GRK4: variants seen among roughly 807,000 people sequenced by gnomAD.
GRK4 encodes the protein G protein-coupled receptor kinase 4, also known as G protein-coupled receptor kinase 2-like.
In GRK4, 73 loss-of-function variants were observed where a neutral mutation model predicts 77.9. The observed-to-expected ratio is 0.94, with a 90% CI of 0.78 to 1.14. The LOEUF (loss-of-function observed/expected upper bound fraction) is 1.14, where lower values mean the gene tolerates loss of function less well. Among genes scored for constraint, GRK4 ranks in the 50% most tolerant of loss-of-function variants. The pLI is 0.00. For synonymous variants in GRK4, 257 were observed against 254.4 expected (o/e 1.01, Z -0.10); for missense variants, 729 against 700.2 (o/e 1.04, Z -0.46).
intron 13 of GRK4, among the ~76,000 whole-genome samples, chr4:3,037,089 G>A (rs1578424533): frequency 6.6e-6 from 1 of 151,514 alleles, no homozygotes; most frequent in African/African-American, 2.4e-5. Flanking sequence ...GTGTATGTGT[G>A]TGTGTGTGTG....
At chr4:3,012,137 C>T (rs957817410) in intron 7 of GRK4, among the ~76,000 whole-genome samples, 1 of 152,214 alleles carries the variant, frequency 6.6e-6, no homozygotes, top group African/African-American at 2.4e-5. Context: ...CTGATTTGCC[C>T]ATTCCACTTA....
At chr4:3,013,596 A>G in intron 7 of GRK4, 92 bp from the exon 8 acceptor site, 1 of 1,439,038 alleles carries the variant, frequency 6.9e-7, no homozygotes, top group East Asian at 2.3e-5. Flanking sequence ...GGTCTCTGCC[A>G]GTGAGGGTCT....
chr4:3,018,873 T>G (rs935153773), intron 8 of GRK4, among the ~76,000 whole-genome samples: 3 of 152,068 alleles, frequency 2.0e-5, no homozygotes, highest in African/African-American at 4.8e-5. Context: ...AGCAAGACTG[T>G]GTCTCAAAAA....
At chr4:2,964,775 G>T (rs1208848446) in intron 1 of GRK4, among the ~76,000 whole-genome samples, 18 of 152,070 alleles carry the variant, frequency 1.2e-4, no homozygotes, top group Non-Finnish European at 2.9e-5. Context: ...AAAAGAAAAA[G>T]CCAAGGCCCA....
At chr4:2,989,384 T>G (rs1725446410) in intron 3 of GRK4, among the ~76,000 whole-genome samples, 1 of 152,176 alleles carries the variant, frequency 6.6e-6, no homozygotes, top group Admixed American at 6.5e-5. Flanking sequence ...TGTATGAAGA[T>G]GACAAACTAA....
intron 4 of GRK4, among the ~76,000 whole-genome samples, chr4:2,993,784 TATG>T (rs1271040667): frequency 6.6e-6 from 1 of 152,234 alleles, no homozygotes; most frequent in Non-Finnish European, 1.5e-5. Flanking sequence ...TCTATTTTCA[TATG>T]ATAAGACTGA....
At chr4:2,994,353 G>C (rs1197433920) in intron 4 of GRK4, among the ~76,000 whole-genome samples, 1 of 152,206 alleles carries the variant, frequency 6.6e-6, no homozygotes. Flanking sequence ...TTGGATTACA[G>C]GTGTGCACCA....
chr4:3,031,565 C>T (rs1739188839), intron 12 of GRK4, among the ~76,000 whole-genome samples: 1 of 152,150 alleles, frequency 6.6e-6, no homozygotes, highest in Admixed American at 6.5e-5. Context: ...AGAGGACAGA[C>T]CATGGGCTCG....
At chr4:3,006,933 G>A (rs1364036952) in intron 5 of GRK4, among the ~76,000 whole-genome samples, 1 of 152,124 alleles carries the variant, frequency 6.6e-6, no homozygotes, top group African/African-American at 2.4e-5. Context: ...GCCAGGAAGG[G>A]CCAATCTTTC....
At chr4:2,976,830 G>C (rs746554964) in intron 1 of GRK4, among the ~76,000 whole-genome samples, 45 of 152,084 alleles carry the variant, frequency 3.0e-4, no homozygotes, top group Admixed American at 7.9e-4. Flanking sequence ...GTAGATACAG[G>C]GTTCCTCCAT....
At chr4:2,975,623 G>T (rs776934946) in intron 1 of GRK4, among the ~76,000 whole-genome samples, 1 of 152,054 alleles carries the variant, frequency 6.6e-6, no homozygotes, top group African/African-American at 2.4e-5. Flanking sequence ...TCCTTGAGCC[G>T]GCTAACATGG....
In GRK4 at chr4:3,019,675, C is replaced by G. The variant is rs1261047806; in HGVS notation, c.776C>G (p.Ala259Gly). The G allele has an allele frequency of 6.2e-7, 1 of 1,613,862 alleles. No individual in the cohort carries two copies. Among genetic ancestry groups the G allele is most frequent in the South Asian group, 1.1e-5 (1 of 91,018 alleles). The change falls in exon 9 of 16, where the codon GCC (alanine) becomes GGC (glycine). Residue 259 changes from alanine to glycine, a missense_variant. Physicochemically the swap from Ala to Gly is moderately conservative, Grantham distance 60 (BLOSUM62 0). Transcript: ENST00000398052. ...SLAYAYETKD[A>G]LCLVLTIMNG... is the part of the protein sequence containing the mutation. ...GCCTACGCTTATGAAACCAAAGATG[C>G]CTTGTGCTTGGTGCTCACCATTATG...
intron 2 of GRK4, chr4:2,987,094 A>G (rs998644969): frequency 3.9e-6 from 2 of 515,652 alleles, no homozygotes; most frequent in Non-Finnish European, 7.7e-6. Context: ...CGCCACACCC[A>G]TTGATAGCCA....
intron 1 of GRK4, among the ~76,000 whole-genome samples, chr4:2,973,434 T>TG (rs1720167370): frequency 6.6e-6 from 1 of 152,176 alleles, no homozygotes; most frequent in Admixed American, 6.5e-5. Context: ...CCACTCAACT[T>TG]GCAGCTCACT....
In GRK4 at chr4:3,006,452, T is replaced by C. The variant is rs539857068; in HGVS notation, c.444-1284T>C. Among the ~76,000 whole-genome samples, 4 of 151,970 alleles carry C rather than the reference T, an allele frequency of 2.6e-5. No individual in the cohort carries two copies. The South Asian group carries it at 8.3e-4, about 32-fold the overall frequency. The stretch of plus-strand genomic sequence containing the variant: ...TCTTGTTGGATATTCACATTAATGG[T>C]ATTCTAGTGTTTGTGATTTGAACTG... On this transcript the variant is annotated intron_variant, in intron 5 of 15. Coordinates refer to ENST00000398052, the MANE Select transcript of GRK4 (RefSeq NM_182982.3).
rs986201656 is a variant in GRK4 at position 3,025,555 on chromosome 4, A to G, written c.971-2357A>G. On this transcript the variant is annotated intron_variant, in intron 10 of 15. Coordinates refer to ENST00000398052, the MANE Select transcript of GRK4 (RefSeq NM_182982.3). The stretch of plus-strand genomic sequence containing the variant: ...CAGGCGCCCGCCACCACGCCCGGCT[A>G]ATTTTTTATATTTTTTTTAGTAGAG... Among the ~76,000 whole-genome samples, 40 of 150,874 alleles carry G rather than the reference A, an allele frequency of 2.7e-4. 1 individual carries two copies. Among genetic ancestry groups the G allele is most frequent in the African/African-American group, 7.0e-4 (29 of 41,208 alleles).
At chr4:3,005,795 G>A (rs973543608) in intron 5 of GRK4, among the ~76,000 whole-genome samples, 2 of 151,828 alleles carry the variant, frequency 1.3e-5, no homozygotes, top group Non-Finnish European at 2.9e-5. Flanking sequence ...AACACAGCGA[G>A]ACTCTGTCTC....
At chr4:3,037,872 G>A (rs910239457) in intron 14 of GRK4, among the ~76,000 whole-genome samples, 3 of 149,468 alleles carry the variant, frequency 2.0e-5, no homozygotes, top group South Asian at 2.1e-4. Flanking sequence ...CTGAGATTGC[G>A]CCACTGTACT....
Position 3,040,584 on chromosome 4 carries a change from A to T in GRK4, c.1696A>T (p.Met566Leu). ...RLFRRGGCLT[M>L]VPSEKEVEPK... The stretch of plus-strand genomic sequence containing the variant: ...CTGTGTGTTGTAGGGCTGCCTGACC[A>T]TGGTCCCCAGTGAGAAGGAAGTGGA... Residue 566 changes from methionine (M) to leucine (L), a missense_variant, in exon 16 of 16, where the codon ATG becomes TTG. Physicochemically the swap from Met to Leu is conservative, Grantham distance 15. Coordinates refer to ENST00000398052, the MANE Select transcript of GRK4 (RefSeq NM_182982.3). 1.2e-6 allele frequency: 2 copies of T among 1,610,696 alleles called. No homozygotes were observed. Among genetic ancestry groups the T allele is most frequent in the South Asian group, 2.2e-5 (2 of 89,996 alleles).
Sources: gnomAD v4.1 joint callset for allele counts (sites outside exome capture counted in the v4.1 genomes callset) on GRCh38, gnomAD v4.1.1 for gene constraint, MANE v1.5 for transcripts, NCBI Gene and HGNC (gene_info 2026-07-23, HGNC 2026-07-21) for gene names.